Variants in WNT9A observed in about 807,000 individuals in gnomAD.
WNT9A encodes protein Wnt-9a.
Under a neutral mutation model 31.4 loss-of-function variants are expected in WNT9A, and 8 were observed. The observed-to-expected ratio is 0.26, with a 90% CI of 0.15 to 0.46. The LOEUF is 0.46. Ranked by LOEUF, WNT9A falls within the 20% of genes least tolerant of loss-of-function variation. WNT9A has a pLI of 0.99. For missense variants in WNT9A, 457 were observed against 522.9 expected, an observed-to-expected ratio of 0.87 and a Z score of 1.23; for synonymous variants, 236 against 220.1, an observed-to-expected ratio of 1.07 and a Z score of -0.64.
Position 227,942,825 on chromosome 1 carries a change from C to T in WNT9A, c.95+4968G>A, listed in dbSNP as rs1052939240. On this transcript the variant is annotated intron_variant, in intron 1 of 3. Transcript: ENST00000272164. This position sits in a 1 kb window ranked among gnomAD's most constrained non-coding sequence, Gnocchi z 5.7. Reference sequence around the variant, plus strand: ...TCTCAGCTGCTCCCAAACCCCCCGGCCCACAGTGCTCAGAGCACCCGACCC... The same window carrying T: ...TCTCAGCTGCTCCCAAACCCCCCGGTCCACAGTGCTCAGAGCACCCGACCC... Among the ~76,000 whole-genome samples, 2 of 152,196 alleles carry T rather than the reference C, an allele frequency of 1.3e-5. No homozygotes were observed. The highest frequency in any genetic ancestry group is 4.8e-5 in the African/African-American group (2 of 41,460).
chr1:227,941,398 G>A lies in WNT9A; in HGVS notation c.95+6395C>T, dbSNP rs534058350. 2.6e-5 allele frequency among the ~76,000 whole-genome samples: 4 copies of A among 152,104 alleles called. No individual in the cohort carries two copies. The South Asian group carries it at 8.3e-4, about 32-fold the overall frequency. On this transcript the variant is annotated intron_variant, in intron 1 of 3. Transcript: ENST00000272164. ...CTGATCCCAGAGTTGAGCGACCAGG[G>A]AGAATAGAATGCATCTGAAGAGACC...
chr1:227,942,424 C>A lies in WNT9A; in HGVS notation c.95+5369G>T, dbSNP rs1666722862. ...CACTCCAGACCCTCCCACTTACGGC[C>A]CCACTGTCAGGGAAGCCAAGCACCT... is the stretch of plus-strand genomic sequence containing the variant. On this transcript the variant is annotated intron_variant, in intron 1 of 3. Transcript: ENST00000272164. This position sits in a 1 kb window ranked among gnomAD's most constrained non-coding sequence, Gnocchi z 5.7. Among the ~76,000 whole-genome samples the A allele has an allele frequency of 6.6e-6, 1 of 152,168 alleles. No individual in the cohort carries two copies. The highest frequency in any genetic ancestry group is 1.5e-5 in the Non-Finnish European group (1 of 68,008).
At chr1:227,930,608 G>A (rs1666495294) in intron 1 of WNT9A, among the ~76,000 whole-genome samples, 1 of 152,220 alleles carries the variant, frequency 6.6e-6, no homozygotes, top group African/African-American at 2.4e-5. Flanking sequence ...CGCCATCCTG[G>A]TCTTGCTCTT....
rs1666295389 is a variant in WNT9A at position 227,920,634 on chromosome 1, G to T, written c.*884C>A. 1 of 152,098 alleles carries T rather than the reference G, an allele frequency of 6.6e-6. No individual in the cohort carries two copies. Among genetic ancestry groups the T allele is most frequent in the African/African-American group, 2.4e-5 (1 of 41,398 alleles). 9.4% of individuals were successfully genotyped at this position (152,098 alleles called of 1,614,324 possible). A position where few individuals can be genotyped will look rare whatever the true frequency, so the allele number is the denominator to read the frequency against. ...GTCTCTGAAGACAGTGCTGGTGTTGGGGCAGCCTGGGCCAGGCCAGTCCCC... is the reference window on the plus strand; with the variant it reads ...GTCTCTGAAGACAGTGCTGGTGTTGTGGCAGCCTGGGCCAGGCCAGTCCCC... On this transcript the variant is annotated 3_prime_UTR_variant, in exon 4 of 4. Transcript: ENST00000272164.
rs373053538 is a variant in WNT9A, at chr1:227,924,223, T to C, written c.530A>G (p.Lys177Arg). ...TCTGCCCAGGAATTCCTTGACGAAC[T>C]TGCTGCTGTACTTAAGGTTGTCTCC... ...GCGDNLKYSSKFVKEFLGRRS... is the reference protein window; with the variant it reads ...GCGDNLKYSSRFVKEFLGRRS... Residue 177 changes from lysine to arginine, a missense_variant, in exon 3 of 4, where the codon AAG (lysine) becomes AGG (arginine). Coordinates refer to ENST00000272164, the MANE Select transcript of WNT9A (RefSeq NM_003395.4). The C allele has an allele frequency of 2.5e-6, 4 of 1,607,622 alleles. No individual in the cohort carries two copies. In the African/African-American group the frequency reaches 5.4e-5, roughly 22 times the overall value.
At chr1:227,946,473 G>A (rs922880503) in intron 1 of WNT9A, among the ~76,000 whole-genome samples, 4 of 152,238 alleles carry the variant, frequency 2.6e-5, no homozygotes, top group African/African-American at 9.6e-5. Context: ...CCTCCCGGGT[G>A]AGGCTACGGG....
At position 227,924,550 on chromosome 1, in the gene WNT9A, G is replaced by A. The variant is rs866371040; in HGVS notation, c.353-150C>T. 74 of 1,243,784 alleles carry A rather than the reference G, an allele frequency of 5.9e-5. 1 individual carries two copies. The Middle Eastern group carries it at 3.1e-3, about 53-fold the overall frequency. 77.0% of individuals were successfully genotyped at this position (1,243,784 alleles called of 1,614,324 possible). On this transcript the variant is annotated intron_variant, in intron 2 of 3. Coordinates refer to ENST00000272164, the MANE Select transcript of WNT9A (RefSeq NM_003395.4). Reference sequence around the variant, plus strand: ...TGCACTCGGGACAGGGTGTGGGTGTGCCCTGGCCACCACAGGGTAGGAAAC... The same window carrying A: ...TGCACTCGGGACAGGGTGTGGGTGTACCCTGGCCACCACAGGGTAGGAAAC...
In WNT9A at chr1:227,928,712, C is replaced by T. The variant is rs556347441; in HGVS notation, c.96-3193G>A. On this transcript the variant is annotated intron_variant, in intron 1 of 3. Coordinates refer to ENST00000272164, the MANE Select transcript of WNT9A (RefSeq NM_003395.4). This position sits in a 1 kb window ranked among gnomAD's most constrained non-coding sequence, Gnocchi z 4.5. The stretch of plus-strand genomic sequence containing the variant: ...GCAGAGGGGGCCCAGACCCTCCTGA[C>T]AGGCAGGGCTTCCAGGTGGGGCTCT... 8.3e-4 allele frequency among the ~76,000 whole-genome samples: 126 copies of T among 152,304 alleles called. No individual in the cohort carries two copies. The highest frequency in any genetic ancestry group is 2.9e-3 in the African/African-American group (121 of 41,566).
intron 1 of WNT9A, among the ~76,000 whole-genome samples, chr1:227,927,056 C>T (rs1430251596): frequency 1.3e-5 from 2 of 152,128 alleles, no homozygotes; most frequent in East Asian, 1.9e-4. Flanking sequence ...ATACCCTGCC[C>T]GGCCAAGCTG....
chr1:227,939,229 C>T (rs545541595), intron 1 of WNT9A, among the ~76,000 whole-genome samples: 11 of 152,328 alleles, frequency 7.2e-5, no homozygotes, highest in South Asian at 2.1e-4. Flanking sequence ...TCAGGAACCA[C>T]GGGGGAGGTG....
At position 227,921,465 on chromosome 1, in the gene WNT9A, C is replaced by T. The variant is rs939124639; in HGVS notation, c.*53G>A. ...AGCCTGTGCAGGTGTAGACCCTTCACACCGTGTGCAATGCCTGCACCCTGT... is the reference window on the plus strand; with the variant it reads ...AGCCTGTGCAGGTGTAGACCCTTCATACCGTGTGCAATGCCTGCACCCTGT... On this transcript the variant is annotated 3_prime_UTR_variant, in exon 4 of 4. Coordinates refer to ENST00000272164, the MANE Select transcript of WNT9A (RefSeq NM_003395.4). The T allele has an allele frequency of 6.4e-7, 1 of 1,567,652 alleles. No individual in the cohort carries two copies. Among genetic ancestry groups the T allele is most frequent in the African/African-American group, 1.4e-5 (1 of 73,980 alleles).
In WNT9A at chr1:227,942,878, T is replaced by G. The variant is rs638877; in HGVS notation, c.95+4915A>C. Reference sequence around the variant, plus strand: ...GCCCCAGCCATGGGGTCACCCCAGATGCCGCCTTCTTGCCAGCTCCTTCCC... The same window carrying G: ...GCCCCAGCCATGGGGTCACCCCAGAGGCCGCCTTCTTGCCAGCTCCTTCCC... On this transcript the variant is annotated intron_variant, in intron 1 of 3. Transcript: ENST00000272164. The surrounding 1 kb of genome is among the most constrained non-coding windows in gnomAD (Gnocchi z 5.7). Among the ~76,000 whole-genome samples, 1 of 151,996 alleles carries G rather than the reference T, an allele frequency of 6.6e-6. No individual in the cohort carries two copies. The highest frequency in any genetic ancestry group is 1.5e-5 in the Non-Finnish European group (1 of 67,948).
intron 1 of WNT9A, among the ~76,000 whole-genome samples, chr1:227,940,068 C>G (rs991049848): frequency 6.6e-6 from 1 of 152,338 alleles, no homozygotes; most frequent in South Asian, 2.1e-4. Context: ...AGAAACACCC[C>G]CCTCCACCCT....
rs144594745 is a variant in WNT9A, at chr1:227,941,929, G to A, written c.95+5864C>T. On this transcript the variant is annotated intron_variant, in intron 1 of 3. Transcript: ENST00000272164. ...GCCTGTCAACAGGTGTCGCTTTCCC[G>A]CAGCCCCCACCCTCCCACAGGCATC... Among the ~76,000 whole-genome samples, 554 of 152,156 alleles carry A rather than the reference G, an allele frequency of 3.6e-3. 3 individuals carry two copies. Among genetic ancestry groups the A allele is most frequent in the African/African-American group, 0.012 (513 of 41,502 alleles).
intron 1 of WNT9A, among the ~76,000 whole-genome samples, chr1:227,930,753 G>A (rs1036026689): frequency 6.6e-6 from 1 of 152,182 alleles, no homozygotes. Context: ...AGGCGCAGTG[G>A]CTCACGCCTG....
chr1:227,939,175 AG>A (rs1260727520), intron 1 of WNT9A, among the ~76,000 whole-genome samples: 2 of 152,250 alleles, frequency 1.3e-5, no homozygotes, highest in Non-Finnish European at 1.5e-5. Flanking sequence ...CAGGGCACAC[AG>A]AACAGTTCCA....
intron 1 of WNT9A, among the ~76,000 whole-genome samples, chr1:227,929,857 T>C (rs1466860521): frequency 6.6e-6 from 1 of 152,160 alleles, no homozygotes; most frequent in Non-Finnish European, 1.5e-5. Flanking sequence ...TCTTCTGCCA[T>C]GTGAGGACAT....
chr1:227,934,552 G>C (rs1572130966), intron 1 of WNT9A, among the ~76,000 whole-genome samples: 1 of 152,094 alleles, frequency 6.6e-6, no homozygotes, highest in Non-Finnish European at 1.5e-5. Flanking sequence ...TCATCTCTAC[G>C]GCATGTCTAC....
Position 227,924,203 on chromosome 1 carries a change from C to A in WNT9A, c.550G>T (p.Gly184Cys). Residue 184 changes from glycine to cysteine, a missense_variant, in exon 3 of 4, where the codon GGC becomes TGC. By Grantham distance (159) the Gly-to-Cys change is radical. Transcript: ENST00000272164. ...CGCAGATCCTTGCTTGACCGTCTGC[C>A]CAGGAATTCCTTGACGAACTTGCTG... ...YSSKFVKEFL[G>C]RRSSKDLRAR... The A allele has an allele frequency of 6.2e-7, 1 of 1,613,736 alleles. No individual in the cohort carries two copies. Among genetic ancestry groups the A allele is most frequent in the African/African-American group, 1.3e-5 (1 of 75,016 alleles).
Sources: allele counts gnomAD v4.1 joint callset (sites outside exome capture counted in the v4.1 genomes callset), GRCh38; gene constraint gnomAD v4.1.1; non-coding constraint Gnocchi (gnomAD v3.1); transcripts MANE v1.5; gene names NCBI Gene and HGNC (gene_info 2026-07-23, HGNC 2026-07-21).